The following FNDC3A variants were observed in gnomAD, a reference collection of about 807,000 sequenced individuals.
FNDC3A encodes fibronectin type III domain containing 3A, also known as fibronectin type-III domain-containing protein 3A.
Under a neutral mutation model 148.9 loss-of-function variants are expected in FNDC3A, and 32 were observed. The ratio of observed to expected loss-of-function variants is 0.21; its 90% CI spans 0.16 to 0.29. The LOEUF (loss-of-function observed/expected upper bound fraction) is 0.29, where lower values mean the gene tolerates loss of function less well. Ranked by LOEUF, FNDC3A falls within the 10% of genes least tolerant of loss-of-function variation. FNDC3A has a pLI of 1.00. For synonymous variants in FNDC3A, 472 were observed against 473.6 expected, an observed-to-expected ratio of 1.00 and a Z score of 0.04; for missense variants, 1,191 against 1,452.8, an observed-to-expected ratio of 0.82 and a Z score of 2.93.
At chr13:49,013,565 T>C (rs1593469842) in intron 2 of FNDC3A, among the ~76,000 whole-genome samples, 1 of 151,754 alleles carries the variant, frequency 6.6e-6, no homozygotes, top group East Asian at 1.9e-4. Context: ...TATGTACACG[T>C]GTATACATGT....
rs530742022 is a variant in FNDC3A at position 49,048,889 on chromosome 13, G to A, written c.100-26400G>A. 7.9e-5 allele frequency among the ~76,000 whole-genome samples: 12 copies of A among 152,184 alleles called. 1 individual carries two copies. The highest frequency in any genetic ancestry group is 4.1e-4 in the South Asian group (2 of 4,820). ...TGGTAAAAGTGGGTGTTCTTGTCTC[G>A]TTCCAGTTCTCAGGGGGAATGCTTT... On this transcript the variant is annotated intron_variant, in intron 2 of 25. Coordinates refer to ENST00000492622, the MANE Select transcript of FNDC3A (RefSeq NM_001079673.2).
At chr13:48,987,513 A>G (rs1434926731) in intron 1 of FNDC3A, among the ~76,000 whole-genome samples, 1 of 152,180 alleles carries the variant, frequency 6.6e-6, no homozygotes, top group Non-Finnish European at 1.5e-5. Flanking sequence ...TAAATTTAGT[A>G]TATCTGACTA....
intron 2 of FNDC3A, among the ~76,000 whole-genome samples, chr13:49,036,760 A>G (rs916717329): frequency 2.0e-5 from 3 of 152,192 alleles, no homozygotes; most frequent in Non-Finnish European, 4.4e-5. Context: ...GGAATAATCT[A>G]ACTTTGCTTT....
intron 3 of FNDC3A, among the ~76,000 whole-genome samples, chr13:49,097,429 C>CT (rs947946495): frequency 3.3e-5 from 5 of 151,762 alleles, no homozygotes; most frequent in African/African-American, 1.2e-4. Flanking sequence ...AAGCAAAAGC[C>CT]TGAGGGTATG....
intron 3 of FNDC3A, among the ~76,000 whole-genome samples, chr13:49,092,140 G>A (rs1472089727): frequency 6.6e-6 from 1 of 152,194 alleles, no homozygotes; most frequent in Non-Finnish European, 1.5e-5. Context: ...AAGCACCATT[G>A]GATCTGCTGG....
intron 1 of FNDC3A, among the ~76,000 whole-genome samples, chr13:48,987,217 A>G (rs763977269): frequency 1.3e-4 from 20 of 152,350 alleles, no homozygotes; most frequent in Non-Finnish European, 2.8e-4. Flanking sequence ...AGGGTAGCCT[A>G]TGTGCTCCAA....
chr13:49,011,634 A>G (rs904507406), intron 2 of FNDC3A, among the ~76,000 whole-genome samples: 1 of 152,084 alleles, frequency 6.6e-6, no homozygotes, highest in Non-Finnish European at 1.5e-5. Context: ...TCTCTCTACA[A>G]AAAAATTTAA....
chr13:49,158,487 C>A (rs375443929), intron 8 of FNDC3A, among the ~76,000 whole-genome samples: 1 of 152,192 alleles, frequency 6.6e-6, no homozygotes. Context: ...TCTTCTGCGT[C>A]GCTCACGCTG....
At chr13:49,106,772 G>GAAAAAAAAAAAAA (rs1880203686) in intron 3 of FNDC3A, among the ~76,000 whole-genome samples, 1 of 7,892 alleles carries the variant, frequency 1.3e-4, no homozygotes, top group East Asian at 4.5e-3. Flanking sequence ...GTGAATGAAA[G>GAAAAAAAAAAAAA]CAAAAAAAAA....
intron 8 of FNDC3A, among the ~76,000 whole-genome samples, chr13:49,162,279 C>T (rs148497769): frequency 0.039 from 5,867 of 152,264 alleles, 153 homozygotes; most frequent in Non-Finnish European, 0.059. Context: ...CACATAGTCC[C>T]ATATTTCTTG....
intron 3 of FNDC3A, among the ~76,000 whole-genome samples, chr13:49,077,973 A>T (rs1037163716): frequency 2.6e-5 from 4 of 152,174 alleles, no homozygotes; most frequent in African/African-American, 9.6e-5. Flanking sequence ...AAATAATTTT[A>T]TTCTGTGTAC....
intron 2 of FNDC3A, among the ~76,000 whole-genome samples, chr13:49,026,224 A>C (rs1466343077): frequency 6.6e-6 from 1 of 152,222 alleles, no homozygotes; most frequent in Non-Finnish European, 1.5e-5. Context: ...ACAAAATAGC[A>C]GTGTATACTA....
chr13:49,047,025 C>T (rs1875468679), intron 2 of FNDC3A, among the ~76,000 whole-genome samples: 1 of 151,916 alleles, frequency 6.6e-6, no homozygotes, highest in Non-Finnish European at 1.5e-5. Context: ...CCCCTGAGTC[C>T]CCAAAATCCA....
intron 8 of FNDC3A, among the ~76,000 whole-genome samples, chr13:49,155,333 T>G (rs1883589422): frequency 6.6e-6 from 1 of 151,836 alleles, no homozygotes; most frequent in Admixed American, 6.6e-5. Flanking sequence ...TCTCTGATGG[T>G]AGTTTGTATT....
chr13:49,025,896 T>A (rs1873673472), intron 2 of FNDC3A, among the ~76,000 whole-genome samples: 1 of 152,188 alleles, frequency 6.6e-6, no homozygotes, highest in Non-Finnish European at 1.5e-5. Context: ...AAAATGTATC[T>A]TCCAAATCCA....
intron 25 of FNDC3A, among the ~76,000 whole-genome samples, chr13:49,204,297 A>G (rs1886548778): frequency 6.6e-6 from 1 of 152,202 alleles, no homozygotes; most frequent in African/African-American, 2.4e-5. Context: ...AGACTAATTA[A>G]ATACCTATAC....
In FNDC3A at chr13:49,203,267, G is replaced by T; in HGVS notation, c.3265G>T (p.Asp1089Tyr). 6.2e-7 allele frequency: 1 copy of T among 1,609,214 alleles called. No homozygotes were observed. Among genetic ancestry groups the T allele is most frequent in the Non-Finnish European group, 8.5e-7 (1 of 1,176,158 alleles). ...CAGTCTTCAAGTTATGTTGGGAAAAGATTCAGAATTCAAACAGGTATGTAC... is the reference window on the plus strand; with the variant it reads ...CAGTCTTCAAGTTATGTTGGGAAAATATTCAGAATTCAAACAGGTATGTAC... ...IYSLQVMLGK[D>Y]SEFKQIYKGP... is the part of the protein sequence containing the mutation. Residue 1089 changes from aspartate (D) to tyrosine (Y), a missense_variant, in exon 25 of 26, where the codon GAT becomes TAT. This residue lies in a region of FNDC3A where 751 missense variants were observed against 944.0 expected (regional missense o/e 0.80). Transcript: ENST00000492622.
intron 2 of FNDC3A, among the ~76,000 whole-genome samples, chr13:49,009,639 G>T (rs919873884): frequency 6.6e-6 from 1 of 152,186 alleles, no homozygotes; most frequent in African/African-American, 2.4e-5. Context: ...ATGAATGTGT[G>T]TGCCCTGTTA....
chr13:49,138,747 A>G lies in FNDC3A; in HGVS notation c.761A>G (p.Glu254Gly), dbSNP rs1295152248. The change falls in exon 7 of 26, where the codon GAA becomes GGA. Residue 254 changes from glutamate to glycine, a missense_variant and splice_region_variant. Around this residue, in one of 3 missense-constraint regions of FNDC3A, gnomAD observed 426 missense variants for 473.2 expected, o/e 0.90. Coordinates refer to ENST00000492622, the MANE Select transcript of FNDC3A (RefSeq NM_001079673.2). ...GGTQVDTEIEEKDEETKAFEA... is the reference protein window; with the variant it reads ...GGTQVDTEIEGKDEETKAFEA... ...TATTCAAATGTTTTATTTTTTTAAG[A>G]AAAAGATGAAGAAACTAAAGCATTT... 1 of 1,433,168 alleles carries G rather than the reference A, an allele frequency of 7.0e-7. No individual in the cohort carries two copies. The highest frequency in any genetic ancestry group is 1.9e-5 in the Admixed American group (1 of 52,482). 88.8% of individuals were successfully genotyped at this position (1,433,168 alleles called of 1,614,324 possible). A position where few individuals can be genotyped will look rare whatever the true frequency, so the allele number is the denominator to read the frequency against.
Sources: gnomAD v4.1 joint callset for allele counts (sites outside exome capture counted in the v4.1 genomes callset) on GRCh38, gnomAD v4.1.1 for gene constraint, gnomAD v4.1.1 regional missense constraint, MANE v1.5 for transcripts, NCBI Gene and HGNC (gene_info 2026-07-23, HGNC 2026-07-21) for gene names.